The following FHIP1A variants were observed in gnomAD, a reference collection of about 807,000 sequenced individuals.
FHIP1A encodes FHF complex subunit HOOK interacting protein 1A, also known as FHF complex subunit HOOK-interacting protein 1A.
A neutral mutation model predicts 88.6 loss-of-function variants in FHIP1A; 61 were observed. That is an observed-to-expected ratio of 0.69 (90% CI 0.56 to 0.85). The LOEUF (loss-of-function observed/expected upper bound fraction) is 0.85. Ranked by LOEUF, FHIP1A falls within the 40% of genes least tolerant of loss-of-function variation. The pLI is 0.00. For missense variants in FHIP1A, 1,154 were observed against 1,273.5 expected (o/e 0.91, Z 1.43); for synonymous variants, 478 against 496.0 (o/e 0.96, Z 0.48).
intron 10 of FHIP1A, among the ~76,000 whole-genome samples, chr4:151,648,010 T>C (rs1736861903): frequency 6.6e-6 from 1 of 152,222 alleles, no homozygotes; most frequent in Non-Finnish European, 1.5e-5. Flanking sequence ...TCAGATGCCA[T>C]GTTCTTTCCA....
rs1017931038 is a variant in FHIP1A at position 151,656,865 on chromosome 4, A to T, written c.2836A>T (p.Met946Leu). 5.2e-6 allele frequency: 8 copies of T among 1,551,534 alleles called. No homozygotes were observed. The Admixed American group carries it at 1.4e-4, about 27-fold the overall frequency. The change falls in exon 13 of 14, where the codon ATG (methionine) becomes TTG (leucine). Residue 946 changes from methionine (M) to leucine (L), a missense_variant. Coordinates refer to ENST00000435205, the MANE Select transcript of FHIP1A (RefSeq NM_001109977.3). The surrounding 1 kb of genome is among the most constrained non-coding windows in gnomAD (Gnocchi z 4.2). ...GCAGTACCTGCTCTTCCGTGTGGAC[A>T]TGTCTGATATGACCCCTGCAGCACT... ...AQQYLLFRVD[M>L]SDMTPAALTK...
chr4:151,629,913 A>G (rs1736092726), intron 8 of FHIP1A, 44 bp downstream of exon 8: 1 of 1,437,930 alleles, frequency 7.0e-7, no homozygotes, highest in African/African-American at 1.5e-5. Flanking sequence ...CTCAGAACAG[A>G]TTTCAGGAGA....
Position 151,668,249 on chromosome 4 carries a change from A to G in FHIP1A, c.*5495A>G, listed in dbSNP as rs1009600275. On this transcript the variant is annotated 3_prime_UTR_variant, in exon 14 of 14. Coordinates refer to ENST00000435205, the MANE Select transcript of FHIP1A (RefSeq NM_001109977.3). The stretch of plus-strand genomic sequence containing the variant: ...TAATGGGTAAAGAATATGGCCTTTC[A>G]GATAGATCTGGTGGCTTTTCCCCAA... 3.3e-5 allele frequency among the ~76,000 whole-genome samples: 5 copies of G among 152,176 alleles called. No homozygotes were observed. Among genetic ancestry groups the G allele is most frequent in the African/African-American group, 7.2e-5 (3 of 41,440 alleles).
chr4:151,659,398 C>T (rs569595690), intron 13 of FHIP1A, among the ~76,000 whole-genome samples: 1 of 152,286 alleles, frequency 6.6e-6, no homozygotes, highest in East Asian at 1.9e-4. Context: ...TCTGGGAGGC[C>T]TGTTCTCACT....
chr4:151,459,532 AT>A (rs983376800), intron 2 of FHIP1A, among the ~76,000 whole-genome samples: 6 of 152,216 alleles, frequency 3.9e-5, no homozygotes, highest in Non-Finnish European at 7.3e-5. Flanking sequence ...GTAAATACTT[AT>A]GTAAGCAGCA....
At chr4:151,548,975 G>A (rs1732616014) in intron 3 of FHIP1A, among the ~76,000 whole-genome samples, 1 of 152,216 alleles carries the variant, frequency 6.6e-6, no homozygotes, top group South Asian at 2.1e-4. Flanking sequence ...GGAGGGGCAG[G>A]AGTTCTTATT....
At chr4:151,630,607 G>T (rs1243020927) in intron 8 of FHIP1A, among the ~76,000 whole-genome samples, 1 of 151,738 alleles carries the variant, frequency 6.6e-6, no homozygotes, top group Non-Finnish European at 1.5e-5. Context: ...CAACCACTAA[G>T]AAAATAACTA....
intron 7 of FHIP1A, among the ~76,000 whole-genome samples, chr4:151,621,116 CTGTT>C (rs1483604786): frequency 6.6e-6 from 1 of 152,106 alleles, no homozygotes; most frequent in Non-Finnish European, 1.5e-5. Context: ...GGAGTTTAGT[CTGTT>C]TATTTTATCT....
intron 8 of FHIP1A, among the ~76,000 whole-genome samples, chr4:151,634,695 T>G (rs1323906615): frequency 6.6e-6 from 1 of 151,736 alleles, no homozygotes; most frequent in Non-Finnish European, 1.5e-5. Context: ...AAACTGGATA[T>G]CCACATGCAA....
At chr4:151,521,531 C>G (rs529104425) in intron 3 of FHIP1A, among the ~76,000 whole-genome samples, 4 of 152,198 alleles carry the variant, frequency 2.6e-5, no homozygotes, top group African/African-American at 7.2e-5. Context: ...TTGTAGGAAG[C>G]TAGATCTTGG....
intron 2 of FHIP1A, among the ~76,000 whole-genome samples, chr4:151,471,999 C>G (rs1005915196): frequency 2.6e-5 from 4 of 152,068 alleles, no homozygotes; most frequent in Admixed American, 2.6e-4. Context: ...ACCACAGTTT[C>G]TTTATCTTCT....
intron 5 of FHIP1A, among the ~76,000 whole-genome samples, chr4:151,578,707 C>A (rs976809263): frequency 1.3e-5 from 2 of 152,312 alleles, no homozygotes; most frequent in South Asian, 4.1e-4. Context: ...CTAAACTAAA[C>A]ATACTCTTGC....
chr4:151,545,157 G>A (rs1421678045), intron 3 of FHIP1A, among the ~76,000 whole-genome samples: 1 of 152,102 alleles, frequency 6.6e-6, no homozygotes, highest in Non-Finnish European at 1.5e-5. Flanking sequence ...GAAAGGTCTG[G>A]GTAGCATGGA....
chr4:151,544,746 C>T (rs1387951547), intron 3 of FHIP1A, among the ~76,000 whole-genome samples: 2 of 152,152 alleles, frequency 1.3e-5, no homozygotes, highest in African/African-American at 4.8e-5. Context: ...GAAGCTGGCT[C>T]AGCTTGACTT....
At chr4:151,628,179 C>T (rs1228343590) in intron 7 of FHIP1A, among the ~76,000 whole-genome samples, 3 of 151,990 alleles carry the variant, frequency 2.0e-5, no homozygotes, top group Non-Finnish European at 1.5e-5. Context: ...TTGTTGGCAC[C>T]GAGCTAGGGG....
intron 3 of FHIP1A, among the ~76,000 whole-genome samples, chr4:151,557,104 A>G (rs1732979534): frequency 6.6e-6 from 1 of 152,194 alleles, no homozygotes; most frequent in African/African-American, 2.4e-5. Flanking sequence ...ATTTTTGGTA[A>G]TTACCTAATG....
intron 3 of FHIP1A, among the ~76,000 whole-genome samples, chr4:151,562,770 A>C (rs1192737898): frequency 6.6e-6 from 1 of 152,340 alleles, no homozygotes; most frequent in Non-Finnish European, 1.5e-5. Flanking sequence ...CGATTTTGAC[A>C]TATTTTTAGC....
In FHIP1A at chr4:151,586,803, C is replaced by G; in HGVS notation, c.891+4C>G. ...GTTTTGCAATGCAGTCATACAGGTA[C>G]CAGAGCACAATAAAGGATCCCTTTG... On this transcript the variant is annotated splice_donor_region_variant and intron_variant, in intron 6 of 13. Coordinates refer to ENST00000435205, the MANE Select transcript of FHIP1A (RefSeq NM_001109977.3). 1.9e-6 allele frequency: 3 copies of G among 1,539,126 alleles called. No individual in the cohort carries two copies. The highest frequency in any genetic ancestry group is 1.8e-6 in the Non-Finnish European group (2 of 1,137,116).
chr4:151,546,108 G>T (rs1183737081), intron 3 of FHIP1A, among the ~76,000 whole-genome samples: 1 of 152,112 alleles, frequency 6.6e-6, no homozygotes, highest in Non-Finnish European at 1.5e-5. Context: ...ATCTGCTGGC[G>T]GCCCAGGTAG....
Sources: gnomAD v4.1 joint callset for allele counts (sites outside exome capture counted in the v4.1 genomes callset) on GRCh38, gnomAD v4.1.1 for gene constraint, Gnocchi (gnomAD v3.1) non-coding constraint, MANE v1.5 for transcripts, NCBI Gene and HGNC (gene_info 2026-07-23, HGNC 2026-07-21) for gene names.